Variants in DAB1 observed in about 807,000 individuals in gnomAD.
DAB1 encodes disabled homolog 1.
A neutral mutation model predicts 64.6 loss-of-function variants in DAB1; 15 were observed. The ratio of observed to expected loss-of-function variants is 0.23; its 90% CI spans 0.16 to 0.36. The LOEUF (loss-of-function observed/expected upper bound fraction) is 0.36. DAB1 is among the 10% of genes least tolerant of loss of function. DAB1 has a pLI of 1.00. For missense variants in DAB1, 596 were observed against 706.7 expected, an observed-to-expected ratio of 0.84 and a Z score of 1.78; for synonymous variants, 235 against 251.9, an observed-to-expected ratio of 0.93 and a Z score of 0.64.
intron 3 of DAB1, among the ~76,000 whole-genome samples, chr1:58,373,533 T>G (rs1022810640): frequency 1.3e-5 from 2 of 151,528 alleles, no homozygotes; most frequent in Non-Finnish European, 3.0e-5. Context: ...TAGTATTCCA[T>G]GGTGTATATG....
At chr1:57,794,865 G>A (rs1650767055) in intron 6 of DAB1, among the ~76,000 whole-genome samples, 1 of 152,208 alleles carries the variant, frequency 6.6e-6, no homozygotes, top group Non-Finnish European at 1.5e-5. Context: ...AATGACCCAT[G>A]GCTATAGATA....
chr1:57,909,666 GA>G (rs1474381938), intron 5 of DAB1, among the ~76,000 whole-genome samples: 2 of 151,948 alleles, frequency 1.3e-5, no homozygotes, highest in South Asian at 2.1e-4. Context: ...ATACTGCAAA[GA>G]AAAAAAATAT....
chr1:57,585,059 G>T (rs1645360972), intron 7 of DAB1, among the ~76,000 whole-genome samples: 1 of 151,540 alleles, frequency 6.6e-6, no homozygotes, highest in African/African-American at 2.4e-5. Context: ...GACCAGCCTG[G>T]CCAACATGTT....
chr1:57,014,038 C>CA (rs1388882255), intron 12 of DAB1, among the ~76,000 whole-genome samples: 1 of 151,864 alleles, frequency 6.6e-6, no homozygotes, highest in Non-Finnish European at 1.5e-5. Context: ...TCCAGGACTG[C>CA]AAAAAAACAC....
intron 9 of DAB1, among the ~76,000 whole-genome samples, chr1:57,053,688 A>ATATATATATATATATTTTTTTT (rs1447741565): frequency 1.4e-5 from 1 of 71,402 alleles, no homozygotes; most frequent in African/African-American, 5.5e-5. Flanking sequence ...ATATATATAT[A>ATATATATATATATATTTTTTTT]TTTTTTTTTT....
rs371427855 is a variant in DAB1, at chr1:57,241,764, G to A, written c.67+49200C>T. 5.8e-4 allele frequency among the ~76,000 whole-genome samples: 89 copies of A among 152,264 alleles called. 1 individual carries two copies. The South Asian group carries it at 0.016, about 27-fold the overall frequency. ...CTTCCCTTACTCTGAGCTCTTGGCT[G>A]AGATCTTCCATGGAAGGGAAGCTTT... is the stretch of plus-strand genomic sequence containing the variant. On this transcript the variant is annotated intron_variant, in intron 2 of 14. Transcript: ENST00000371236.
At chr1:57,261,952 T>G (rs1411181594) in intron 2 of DAB1, among the ~76,000 whole-genome samples, 2 of 152,208 alleles carry the variant, frequency 1.3e-5, no homozygotes, top group African/African-American at 4.8e-5. Flanking sequence ...GTCCAGTACC[T>G]GCACTGGGCC....
intron 3 of DAB1, among the ~76,000 whole-genome samples, chr1:58,371,754 T>C (rs2100535572): frequency 6.6e-6 from 1 of 152,218 alleles, no homozygotes; most frequent in Non-Finnish European, 1.5e-5. Flanking sequence ...CTGCTCCACC[T>C]CCCACTGTTG....
chr1:57,842,503 C>A (rs952329135), intron 1 of DAB1, among the ~76,000 whole-genome samples: 1 of 152,106 alleles, frequency 6.6e-6, no homozygotes, highest in Non-Finnish European at 1.5e-5. Flanking sequence ...TACAAAGAAA[C>A]TACCTGAGAC....
chr1:58,421,667 T>A (rs983640914), intron 3 of DAB1, among the ~76,000 whole-genome samples: 1 of 152,164 alleles, frequency 6.6e-6, no homozygotes, highest in Non-Finnish European at 1.5e-5. Flanking sequence ...AGTTCTGTGA[T>A]CTGTCCCAGA....
chr1:58,398,005 T>TGAC (rs1168952606), intron 3 of DAB1, among the ~76,000 whole-genome samples: 1 of 152,140 alleles, frequency 6.6e-6, no homozygotes, highest in Admixed American at 6.6e-5. Context: ...CCCTTGGATT[T>TGAC]CCTTCAGGTC....
chr1:57,041,147 C>T (rs1476566729), intron 9 of DAB1, among the ~76,000 whole-genome samples: 1 of 152,248 alleles, frequency 6.6e-6, no homozygotes, highest in African/African-American at 2.4e-5. Context: ...GCTGCTCTGA[C>T]AGCCGTTCCA....
intron 5 of DAB1, among the ~76,000 whole-genome samples, chr1:57,918,374 C>A (rs1480675807): frequency 6.6e-6 from 1 of 152,086 alleles, no homozygotes; most frequent in Non-Finnish European, 1.5e-5. Context: ...CAGCTTCTTG[C>A]AAGGGCTCTC....
chr1:57,094,895 A>T (rs113605609), intron 4 of DAB1, among the ~76,000 whole-genome samples: 72 of 152,080 alleles, frequency 4.7e-4, no homozygotes, highest in African/African-American at 1.7e-3. Flanking sequence ...GTCATGCCCT[A>T]CCTCTGTACC....
intron 3 of DAB1, among the ~76,000 whole-genome samples, chr1:58,378,852 T>A (rs1428706798): frequency 1.0e-5 from 1 of 97,292 alleles, no homozygotes; most frequent in East Asian, 2.6e-4. Flanking sequence ...CGTAGGACCC[T>A]CCGAGCCAGG....
At chr1:57,849,046 T>C (rs1188163980) in intron 1 of DAB1, among the ~76,000 whole-genome samples, 3 of 152,216 alleles carry the variant, frequency 2.0e-5, no homozygotes, top group Non-Finnish European at 2.9e-5. Context: ...ATATTCCAAG[T>C]GTGGGCTGCT....
chr1:58,126,562 C>T (rs1368581656), intron 5 of DAB1, among the ~76,000 whole-genome samples: 4 of 151,522 alleles, frequency 2.6e-5, no homozygotes, highest in Admixed American at 6.6e-5. Context: ...CCCACTAACT[C>T]GTCATCTAGC....
chr1:57,216,199 T>C (rs1666416246), intron 2 of DAB1, among the ~76,000 whole-genome samples: 1 of 152,014 alleles, frequency 6.6e-6, no homozygotes, highest in African/African-American at 2.4e-5. Flanking sequence ...ATTAGCTGTG[T>C]AGCCTTAGGA....
chr1:58,492,925 C>A (rs28802108), intron 3 of DAB1, among the ~76,000 whole-genome samples: 27,024 of 152,084 alleles, frequency 0.18, 2,535 homozygotes, highest in Middle Eastern at 0.23. Context: ...ATGAGGCCAG[C>A]ATCATCCTGA....
Sources: allele counts gnomAD v4.1 joint callset (sites outside exome capture counted in the v4.1 genomes callset), GRCh38; gene constraint gnomAD v4.1.1; transcripts MANE v1.5; gene names NCBI Gene and HGNC (gene_info 2026-07-23, HGNC 2026-07-21).